The following PTPN14 variants were observed in gnomAD, a reference collection of about 807,000 sequenced individuals.
PTPN14 encodes tyrosine-protein phosphatase non-receptor type 14.
Under a neutral mutation model 126.8 loss-of-function variants are expected in PTPN14, and 53 were observed. That is an observed-to-expected ratio of 0.42 (90% confidence interval 0.34 to 0.53). PTPN14 has a LOEUF of 0.53. Among genes scored for constraint, PTPN14 ranks in the 20% least tolerant of loss-of-function variants. The pLI, the probability that PTPN14 is intolerant of heterozygous loss-of-function variation, is 0.08. For missense variants in PTPN14, 1,257 were observed against 1,552.9 expected, an observed-to-expected ratio of 0.81 and a Z score of 3.20; for synonymous variants, 630 against 599.3, an observed-to-expected ratio of 1.05 and a Z score of -0.75.
chr1:214,535,356 G>A (rs1655677017), intron 1 of PTPN14, among the ~76,000 whole-genome samples: 1 of 152,152 alleles, frequency 6.6e-6, no homozygotes, highest in Non-Finnish European at 1.5e-5. Context: ...AACACTTATG[G>A]CAAAAGTAAA....
intron 13 of PTPN14, among the ~76,000 whole-genome samples, chr1:214,380,805 G>C (rs1470207293): frequency 6.6e-6 from 1 of 152,096 alleles, no homozygotes; most frequent in Non-Finnish European, 1.5e-5. Context: ...TAGGCTATGG[G>C]GTGAGTTTTT....
chr1:214,391,973 C>T (rs1013448251), intron 10 of PTPN14, among the ~76,000 whole-genome samples: 2 of 152,094 alleles, frequency 1.3e-5, no homozygotes, highest in Non-Finnish European at 2.9e-5. Context: ...TGAGCTATAC[C>T]TCCAGATGAC....
chr1:214,524,371 G>C (rs1037006062), intron 1 of PTPN14, among the ~76,000 whole-genome samples: 1 of 152,096 alleles, frequency 6.6e-6, no homozygotes, highest in Non-Finnish European at 1.5e-5. Flanking sequence ...AGTGAAGAGG[G>C]CTGGGCGTGG....
chr1:214,532,576 A>G, intron 1 of PTPN14: 1 of 1,060,810 alleles, frequency 9.4e-7, no homozygotes, highest in South Asian at 1.2e-5. Flanking sequence ...TTACTTCAAG[A>G]TCATCGAGGA....
rs1432418880 is a variant in PTPN14 at position 214,349,257 on chromosome 1, A to C, written c.*8665T>G. The stretch of plus-strand genomic sequence containing the variant: ...GGAATGCATTTCTTACGGCAACAAC[A>C]TAAGAGATGGTGATTAAATGTCTGG... On this transcript the variant is annotated 3_prime_UTR_variant, in exon 19 of 19. Coordinates refer to ENST00000366956, the MANE Select transcript of PTPN14 (RefSeq NM_005401.5). The C allele has an allele frequency of 6.6e-6, 1 of 152,222 alleles. No homozygotes were observed. The highest frequency in any genetic ancestry group is 2.4e-5 in the African/African-American group (1 of 41,460). The allele number at this position is 152,222 out of a possible 1,614,324, so 9.4% of individuals were successfully genotyped here. A position where few individuals can be genotyped will look rare whatever the true frequency, so the allele number is the denominator to read the frequency against.
intron 1 of PTPN14, among the ~76,000 whole-genome samples, chr1:214,514,009 T>C (rs1328725889): frequency 2.0e-5 from 3 of 152,152 alleles, no homozygotes; most frequent in African/African-American, 7.2e-5. Context: ...GCCTGCCCAA[T>C]TGTGAAAGGT....
chr1:214,490,945 A>T (rs552799343), intron 1 of PTPN14, among the ~76,000 whole-genome samples: 1 of 109,684 alleles, frequency 9.1e-6, no homozygotes, highest in South Asian at 3.4e-4. Flanking sequence ...GAAAGAAAGA[A>T]AAGAAAGAAA....
rs1028841087 is a variant in PTPN14 at position 214,383,096 on chromosome 1, G to A, written c.2544+215C>T. Among the ~76,000 whole-genome samples the A allele has an allele frequency of 2.0e-5, 3 of 152,314 alleles. No homozygotes were observed. Among genetic ancestry groups the A allele is most frequent in the South Asian group, 2.1e-4 (1 of 4,826 alleles). ...TGGCTGAGGCACTGGCCTCAATAAC[G>A]TACCAAGTACACCTGTTAGAAGCCA... On this transcript the variant is annotated intron_variant, in intron 13 of 18. Transcript: ENST00000366956. This position sits in a 1 kb window ranked among gnomAD's most constrained non-coding sequence, Gnocchi z 4.4.
Position 214,414,830 on chromosome 1 carries a change from G to T in PTPN14, c.345-104C>A, listed in dbSNP as rs1158787312. On this transcript the variant is annotated intron_variant, in intron 3 of 18. Transcript: ENST00000366956. ...ATGTAAAACCTTGTGTACACAGCAG[G>T]ACATGCCTGTGATGCTGATAAAGGT... 3 of 868,988 alleles carry T rather than the reference G, an allele frequency of 3.5e-6. No homozygotes were observed. The African/African-American group carries it at 5.0e-5, about 14-fold the overall frequency. 53.8% of individuals were successfully genotyped at this position (868,988 alleles called of 1,614,324 possible).
intron 13 of PTPN14, among the ~76,000 whole-genome samples, chr1:214,382,152 C>T (rs1182510884): frequency 2.0e-5 from 3 of 152,172 alleles, no homozygotes; most frequent in Non-Finnish European, 2.9e-5. Flanking sequence ...CTGCCCACCT[C>T]GGCCTCCCAA....
chr1:214,381,832 C>A (rs183628429), intron 13 of PTPN14, among the ~76,000 whole-genome samples: 1 of 152,188 alleles, frequency 6.6e-6, no homozygotes, highest in African/African-American at 2.4e-5. Context: ...AGAAGTCAAT[C>A]TGGCTTTGAT....
intron 1 of PTPN14, among the ~76,000 whole-genome samples, chr1:214,472,978 T>C (rs1483729956): frequency 6.6e-6 from 1 of 152,162 alleles, no homozygotes; most frequent in Non-Finnish European, 1.5e-5. Context: ...ATCTTAAAGG[T>C]CTTTTATATA....
intron 1 of PTPN14, among the ~76,000 whole-genome samples, chr1:214,509,963 G>A (rs866085441): frequency 1.1e-4 from 16 of 152,312 alleles, no homozygotes; most frequent in Middle Eastern, 3.4e-3. Context: ...ACAGGGTGGG[G>A]AACATCACAC....
At chr1:214,500,697 A>G in intron 1 of PTPN14, among the ~76,000 whole-genome samples, 1 of 152,140 alleles carries the variant, frequency 6.6e-6, no homozygotes, top group East Asian at 1.9e-4. Flanking sequence ...GCTCTCACAG[A>G]AGGGGAAAAG....
At chr1:214,474,111 C>A (rs1390149515) in intron 1 of PTPN14, among the ~76,000 whole-genome samples, 3 of 152,150 alleles carry the variant, frequency 2.0e-5, no homozygotes, top group African/African-American at 7.2e-5. Context: ...CGTAAATGAC[C>A]TTTCAAGCCT....
chr1:214,369,426 C>A, intron 17 of PTPN14, 31 bp downstream of exon 17: 2 of 1,584,958 alleles, frequency 1.3e-6, no homozygotes, highest in South Asian at 2.2e-5. Flanking sequence ...AAAAGTCAGT[C>A]AGGTAGCAGA....
intron 2 of PTPN14, among the ~76,000 whole-genome samples, chr1:214,455,088 A>G (rs1357362200): frequency 6.6e-6 from 1 of 152,054 alleles, no homozygotes; most frequent in Non-Finnish European, 1.5e-5. Flanking sequence ...CCAATACAGC[A>G]CATGTTTATT....
intron 2 of PTPN14, among the ~76,000 whole-genome samples, chr1:214,461,619 G>T (rs76521627): frequency 0.041 from 5,809 of 140,898 alleles, 140 homozygotes; most frequent in South Asian, 0.061. Context: ...AATAGAGCAA[G>T]ATCCTGTCTC....
rs75841643 is a variant in PTPN14 at position 214,426,845 on chromosome 1, C to A, written c.345-12119G>T. On this transcript the variant is annotated intron_variant, in intron 3 of 18. Transcript: ENST00000366956. ...GATGCCAGTGTGGGGCAGTCAGTGG[C>A]TGTACGGGGCACACCCTGCGGGCAT... Among the ~76,000 whole-genome samples the A allele has an allele frequency of 7.0e-3, 1,073 of 152,304 alleles. 11 individuals carry two copies. The highest frequency in any genetic ancestry group is 0.025 in the African/African-American group (1,029 of 41,574).
Sources: gnomAD v4.1 joint callset for allele counts (sites outside exome capture counted in the v4.1 genomes callset) on GRCh38, gnomAD v4.1.1 for gene constraint, Gnocchi (gnomAD v3.1) non-coding constraint, MANE v1.5 for transcripts, NCBI Gene and HGNC (gene_info 2026-07-23, HGNC 2026-07-21) for gene names.